Variants in DNAJB11 observed in about 807,000 individuals in gnomAD.
DNAJB11 encodes the protein dnaJ homolog subfamily B member 11.
In DNAJB11, 30 loss-of-function variants were observed where a neutral mutation model predicts 47.2. The ratio of observed to expected loss-of-function variants is 0.64; its 90% CI spans 0.48 to 0.86. The LOEUF (loss-of-function observed/expected upper bound fraction) is 0.86, where lower values mean the gene tolerates loss of function less well. Among genes scored for constraint, DNAJB11 ranks in the 40% least tolerant of loss-of-function variants. DNAJB11 has a pLI of 0.00. For missense variants in DNAJB11, 357 were observed against 440.2 expected, an observed-to-expected ratio of 0.81 and a Z score of 1.69; for synonymous variants, 151 against 159.9, an observed-to-expected ratio of 0.94 and a Z score of 0.42.
intron 2 of DNAJB11, among the ~76,000 whole-genome samples, chr3:186,575,174 G>C (rs941511737): frequency 2.0e-5 from 3 of 151,588 alleles, no homozygotes; most frequent in African/African-American, 7.3e-5. Flanking sequence ...TACTCTTTCT[G>C]CATTTCAAAC....
rs764395900 is a variant in DNAJB11, at chr3:186,582,040, G to A, written c.645G>A (p.Gly215=). The A allele has an allele frequency of 2.5e-6, 4 of 1,613,748 alleles. No homozygotes were observed. Among genetic ancestry groups the A allele is most frequent in the East Asian group, 4.5e-5 (2 of 44,860 alleles). Residue 215 remains glycine, a synonymous_variant, in exon 6 of 10, where the codon GGG becomes GGA. Transcript: ENST00000265028. ...CGCTGGAAGTAGAAATAGAGCCTGG[G>A]GTGAGAGACGGCATGGAGTACCCCT... ...ERTLEVEIEP[G]VRDGMEYPFI...
Position 186,572,160 on chromosome 3 carries a change from A to G in DNAJB11, c.134A>G (p.Tyr45Cys), listed in dbSNP as rs781313561. 3.7e-6 allele frequency: 6 copies of G among 1,613,632 alleles called. No individual in the cohort carries two copies. Among genetic ancestry groups the G allele is most frequent in the East Asian group, 2.2e-5 (1 of 44,890 alleles). ...SASIKDIKKA[Y>C]RKLALQLHPD... is the part of the protein sequence containing the mutation. ...TCTATAAAGGATATTAAAAAGGCCT[A>G]TAGGAAACTAGCCCTGCAGCTTCAT... Residue 45 changes from tyrosine to cysteine, a missense_variant, in exon 2 of 10, where the codon TAT (tyrosine) becomes TGT (cysteine). By Grantham distance (194) the Tyr-to-Cys change is radical. Transcript: ENST00000265028.
chr3:186,577,217 A>G (rs1715330283), intron 3 of DNAJB11, among the ~76,000 whole-genome samples: 1 of 152,248 alleles, frequency 6.6e-6, no homozygotes, highest in East Asian at 1.9e-4. Flanking sequence ...TAAAGAGAAC[A>G]CTACATATGT....
At chr3:186,575,375 GTGTGTGTGTGTGTGTGTC>G (rs1242489760) in intron 2 of DNAJB11, among the ~76,000 whole-genome samples, 10 of 149,292 alleles carry the variant, frequency 6.7e-5, no homozygotes, top group Non-Finnish European at 9.0e-5. Context: ...GCGCGTGTGT[GTGTGTGTGTGTGTGTGTC>G]TGTGTGTGTG....
intron 2 of DNAJB11, among the ~76,000 whole-genome samples, chr3:186,575,368 C>CGCGTGT (rs1406330956): frequency 3.4e-4 from 49 of 143,456 alleles, no homozygotes; most frequent in Middle Eastern, 3.6e-3. Context: ...CGCGCGCGCG[C>CGCGTGT]GTGTGTGTGT....
At chr3:186,584,701 A>G (rs1715622263) in intron 9 of DNAJB11, 112 bp downstream of exon 9, 8 of 1,106,814 alleles carry the variant, frequency 7.2e-6, no homozygotes, top group South Asian at 5.9e-5. Flanking sequence ...TGAGACATCA[A>G]TCATTAATGC....
At chr3:186,582,215 C>A in intron 6 of DNAJB11, 138 bp downstream of exon 6, 1 of 659,090 alleles carries the variant, frequency 1.5e-6, no homozygotes, top group South Asian at 2.0e-5. Flanking sequence ...ACTCTTCGGC[C>A]AATTTTAGGA....
At chr3:186,583,801 T>C in intron 7 of DNAJB11, 64 bp from the exon 8 acceptor site, 1 of 1,256,824 alleles carries the variant, frequency 8.0e-7, no homozygotes, top group Non-Finnish European at 1.2e-6. Context: ...TTTCCAAGAA[T>C]TTTCTAACAA....
rs969553860 is a variant in DNAJB11 at position 186,582,145 on chromosome 3, T to C, written c.682+68T>C. ...GCTCTCTGCTTGTTTGTGAATACCT[T>C]TCACCCCTGCCTTACTCCATCTTAA... is the stretch of plus-strand genomic sequence containing the variant. On this transcript the variant is annotated intron_variant, in intron 6 of 9. Transcript: ENST00000265028. 2.6e-6 allele frequency: 3 copies of C among 1,166,638 alleles called. No individual in the cohort carries two copies. The African/African-American group carries it at 4.6e-5, about 18-fold the overall frequency. The allele number at this position is 1,166,638 out of a possible 1,614,324, so 72.3% of individuals were successfully genotyped here. A position where few individuals can be genotyped will look rare whatever the true frequency, so the allele number is the denominator to read the frequency against.
Position 186,585,710 on chromosome 3 carries a change from T to C in DNAJB11, c.*302T>C, listed in dbSNP as rs2108488181. 1 of 188,460 alleles carries C rather than the reference T, an allele frequency of 5.3e-6. No homozygotes were observed. The highest frequency in any genetic ancestry group is 1.3e-4 in the South Asian group (1 of 7,866). The allele number at this position is 188,460 out of a possible 1,614,324, so 11.7% of individuals were successfully genotyped here. ...GACTCCAGGAGCAAAAGAAACACAA[T>C]ATAGAGGGTTGGAGTTGTTAGCAAT... On this transcript the variant is annotated 3_prime_UTR_variant, in exon 10 of 10. Coordinates refer to ENST00000265028, the MANE Select transcript of DNAJB11 (RefSeq NM_016306.6).
At chr3:186,583,083 A>G (rs1384162984) in intron 7 of DNAJB11, among the ~76,000 whole-genome samples, 1 of 152,374 alleles carries the variant, frequency 6.6e-6, no homozygotes, top group East Asian at 1.9e-4. Context: ...ATGGCACCAT[A>G]CAAGAATAGG....
rs879881683 is a variant in DNAJB11, at chr3:186,570,878, G to C, written c.-20G>C. On this transcript the variant is annotated 5_prime_UTR_variant, in exon 1 of 10. Transcript: ENST00000265028. Reference sequence around the variant, plus strand: ...GAGGCTGTGAGGAGTGTGTGGAACAGGACCCGGGACAGAGGAACCATGGCT... The same window carrying C: ...GAGGCTGTGAGGAGTGTGTGGAACACGACCCGGGACAGAGGAACCATGGCT... 9 of 1,600,384 alleles carry C rather than the reference G, an allele frequency of 5.6e-6. No homozygotes were observed. Among genetic ancestry groups the C allele is most frequent in the South Asian group, 1.1e-5 (1 of 88,832 alleles).
chr3:186,575,301 C>A (rs1715233451), intron 2 of DNAJB11, among the ~76,000 whole-genome samples: 1 of 152,012 alleles, frequency 6.6e-6, no homozygotes, highest in South Asian at 2.1e-4. Context: ...CAGTGTAGGC[C>A]TCTCTGGAGG....
chr3:186,582,177 C>A, intron 6 of DNAJB11, 100 bp downstream of exon 6: 1 of 881,184 alleles, frequency 1.1e-6, no homozygotes. Context: ...TTAATGTTCA[C>A]ATAGTAAACG....
At chr3:186,581,535 G>A in intron 5 of DNAJB11, 22 bp downstream of exon 5, 1 of 1,608,314 alleles carries the variant, frequency 6.2e-7, no homozygotes, top group South Asian at 1.1e-5. Context: ...CACCTTCTTT[G>A]TTCTACCAAG....
chr3:186,571,333 A>G lies in DNAJB11; in HGVS notation c.68+368A>G, dbSNP rs529969387. On this transcript the variant is annotated intron_variant, in intron 1 of 9. Transcript: ENST00000265028. ...AAGAGGGATGCCTGACTGTAAGGAA[A>G]GATAGTGACAGTGCCAGGCTGAGGT... Among the ~76,000 whole-genome samples, 4 of 152,320 alleles carry G rather than the reference A, an allele frequency of 2.6e-5. No individual in the cohort carries two copies. The South Asian group carries it at 8.3e-4, about 32-fold the overall frequency.
At position 186,584,594 on chromosome 3, in the gene DNAJB11, G is replaced by A. The variant is rs61758419; in HGVS notation, c.1012+5G>A. On this transcript the variant is annotated splice_donor_5th_base_variant and intron_variant, in intron 9 of 9. Transcript: ENST00000265028. Reference sequence around the variant, plus strand: ...TAACAGAGGAAGCGAGAGAAGGTATGGCATATTAGTGTGTGTGTGTGTGTG... The same window carrying A: ...TAACAGAGGAAGCGAGAGAAGGTATAGCATATTAGTGTGTGTGTGTGTGTG... 0.034 allele frequency: 21,706 copies of A among 634,626 alleles called. 193 individuals carry two copies. Among genetic ancestry groups the A allele is most frequent in the Non-Finnish European group, 0.04 (18,537 of 459,964 alleles). 39.3% of individuals were successfully genotyped at this position (634,626 alleles called of 1,614,324 possible). A position where few individuals can be genotyped will look rare whatever the true frequency, so the allele number is the denominator to read the frequency against.
chr3:186,577,833 C>G, intron 4 of DNAJB11, 33 bp downstream of exon 4: 1 of 1,531,290 alleles, frequency 6.5e-7, no homozygotes, highest in Non-Finnish European at 8.8e-7. Flanking sequence ...TTCATATTGA[C>G]TCCCAGAACT....
chr3:186,583,379 C>T (rs1418127613), intron 7 of DNAJB11, among the ~76,000 whole-genome samples: 4 of 152,236 alleles, frequency 2.6e-5, no homozygotes, highest in African/African-American at 9.6e-5. Flanking sequence ...TTGTTTTCCC[C>T]AGCTTCTTTA....
Sources: gnomAD v4.1 joint callset for allele counts (sites outside exome capture counted in the v4.1 genomes callset) on GRCh38, gnomAD v4.1.1 for gene constraint, MANE v1.5 for transcripts, NCBI Gene and HGNC (gene_info 2026-07-23, HGNC 2026-07-21) for gene names.